ABCC4: variants seen among roughly 807,000 people sequenced by gnomAD.
The protein encoded by ABCC4 is ATP binding cassette subfamily C member 4 (PEL blood group), also known as ATP-binding cassette sub-family C member 4.
Under a neutral mutation model 168.5 loss-of-function variants are expected in ABCC4, and 102 were observed. That is an observed-to-expected ratio of 0.61 (90% CI 0.52 to 0.71). The LOEUF (loss-of-function observed/expected upper bound fraction) is 0.71, where lower values mean the gene tolerates loss of function less well. Ranked by LOEUF, ABCC4 falls within the 30% of genes least tolerant of loss-of-function variation. The pLI is 0.00. For missense variants in ABCC4, 1,402 were observed against 1,605.8 expected (o/e 0.87, Z 2.17); for synonymous variants, 617 against 590.7 (o/e 1.04, Z -0.65).
intron 19 of ABCC4, among the ~76,000 whole-genome samples, chr13:95,138,356 G>A (rs1164094503): frequency 6.6e-6 from 1 of 152,114 alleles, no homozygotes; most frequent in African/African-American, 2.4e-5. Flanking sequence ...CTCCTCTTTG[G>A]GAGGTGCTTG....
At chr13:95,264,783 A>G (rs1468112966) in intron 1 of ABCC4, among the ~76,000 whole-genome samples, 1 of 151,992 alleles carries the variant, frequency 6.6e-6, no homozygotes, top group African/African-American at 2.4e-5. Context: ...TGGGTGTTCT[A>G]TAACTATGAT....
intron 16 of ABCC4, among the ~76,000 whole-genome samples, chr13:95,164,018 G>T (rs2037184537): frequency 7.8e-6 from 1 of 127,906 alleles, no homozygotes; most frequent in South Asian, 2.5e-4. Flanking sequence ...TCCAACCTGG[G>T]CAACAGAGCA....
At chr13:95,048,803 C>T (rs150193096) in intron 27 of ABCC4, among the ~76,000 whole-genome samples, 30 of 152,274 alleles carry the variant, frequency 2.0e-4, no homozygotes, top group African/African-American at 5.8e-4. Context: ...GTATTAAAGT[C>T]GTTTTTTAAT....
chr13:95,194,815 C>G (rs766331636), intron 9 of ABCC4, 21 bp downstream of exon 9: 1 of 1,589,660 alleles, frequency 6.3e-7, no homozygotes, highest in Non-Finnish European at 8.6e-7. Context: ...CAGTCATGAT[C>G]TTGCATTAAG....
chr13:95,288,538 G>A lies in ABCC4; in HGVS notation c.74+12703C>T, dbSNP rs149120942. Among the ~76,000 whole-genome samples, 5 of 152,288 alleles carry A rather than the reference G, an allele frequency of 3.3e-5. No individual in the cohort carries two copies. In the East Asian group the frequency reaches 9.6e-4, roughly 29 times the overall value. On this transcript the variant is annotated intron_variant, in intron 1 of 30. Coordinates refer to ENST00000645237, the MANE Select transcript of ABCC4 (RefSeq NM_005845.5). ...GGGTAAATTTAGGCTGGACGCAGTG[G>A]CTCATGCCTGTAATCCCAGCACTTT...
intron 19 of ABCC4, among the ~76,000 whole-genome samples, chr13:95,125,494 A>C (rs1751064): frequency 2.6e-4 from 39 of 151,910 alleles, no homozygotes; most frequent in African/African-American, 8.9e-4. Flanking sequence ...ATTAAATTAC[A>C]CAAGTTACAG....
chr13:95,210,742 T>G lies in ABCC4; in HGVS notation c.571A>C (p.Thr191Pro), dbSNP rs779130429. The G allele has an allele frequency of 6.2e-7, 1 of 1,614,166 alleles. No individual in the cohort carries two copies. The highest frequency in any genetic ancestry group is 1.7e-5 in the Admixed American group (1 of 60,022). The stretch of plus-strand genomic sequence containing the variant: ...GACAGCAGATTGACTATCTGGCCTG[T>G]GGTTGTCTTCCCCATGGCCATGTTA... ...LSNMAMGKTTTGQIVNLLSND... is the reference protein window; with the variant it reads ...LSNMAMGKTTPGQIVNLLSND... Residue 191 changes from threonine to proline, a missense_variant, in exon 5 of 31, where the codon ACA (threonine) becomes CCA (proline). Thr to Pro is a conservative substitution (Grantham distance 38, BLOSUM62 -1). Coordinates refer to ENST00000645237, the MANE Select transcript of ABCC4 (RefSeq NM_005845.5).
intron 11 of ABCC4, among the ~76,000 whole-genome samples, chr13:95,183,189 A>G (rs1373009991): frequency 6.6e-6 from 1 of 151,630 alleles, no homozygotes; most frequent in East Asian, 1.9e-4. Flanking sequence ...AACAGCTACT[A>G]TTTACCAAAA....
chr13:95,045,711 T>C (rs1259155781), intron 27 of ABCC4, among the ~76,000 whole-genome samples: 1 of 152,162 alleles, frequency 6.6e-6, no homozygotes, highest in African/African-American at 2.4e-5. Context: ...CAGGTGACAT[T>C]TGAGAGCTAT....
intron 4 of ABCC4, among the ~76,000 whole-genome samples, chr13:95,232,070 T>G (rs2039634620): frequency 6.6e-6 from 1 of 151,778 alleles, no homozygotes; most frequent in African/African-American, 2.4e-5. Flanking sequence ...TCCTAAATGG[T>G]AGAAGAGAGT....
intron 19 of ABCC4, among the ~76,000 whole-genome samples, chr13:95,146,357 T>C (rs1389437266): frequency 6.6e-6 from 1 of 152,164 alleles, no homozygotes; most frequent in Non-Finnish European, 1.5e-5. Context: ...CTCCACCACA[T>C]GTAATCTACT....
chr13:95,065,671 A>G (rs540694523), intron 25 of ABCC4, among the ~76,000 whole-genome samples: 1 of 152,328 alleles, frequency 6.6e-6, no homozygotes, highest in South Asian at 2.1e-4. Context: ...GTTTCTTAAA[A>G]TAAATTCTTA....
intron 5 of ABCC4, 31 bp downstream of exon 5, chr13:95,210,661 A>T: frequency 6.3e-7 from 1 of 1,575,724 alleles, no homozygotes; most frequent in Non-Finnish European, 8.7e-7. Context: ...TGTTTAATGC[A>T]ATGAAAAAGG....
chr13:95,043,013 G>C (rs1246110429), intron 29 of ABCC4, among the ~76,000 whole-genome samples: 1 of 152,100 alleles, frequency 6.6e-6, no homozygotes, highest in Non-Finnish European at 1.5e-5. Flanking sequence ...CAAGTAATCT[G>C]CCTGCCTCGG....
At chr13:95,073,596 A>G (rs1447256984) in intron 23 of ABCC4, 1 of 246,292 alleles carries the variant, frequency 4.1e-6, no homozygotes, top group East Asian at 8.7e-5. Context: ...GACATTCATT[A>G]TTATGGTTTC....
At chr13:95,235,426 T>C (rs2039738226) in intron 3 of ABCC4, among the ~76,000 whole-genome samples, 2 of 152,140 alleles carry the variant, frequency 1.3e-5, no homozygotes, top group Admixed American at 1.3e-4. Context: ...AATTAAGTCT[T>C]GGCCTAAGGT....
At chr13:95,066,537 T>C (rs773123064) in intron 25 of ABCC4, among the ~76,000 whole-genome samples, 4 of 152,242 alleles carry the variant, frequency 2.6e-5, no homozygotes, top group South Asian at 4.1e-4. Context: ...GAAACATTTA[T>C]GGGAAATCTA....
intron 1 of ABCC4, among the ~76,000 whole-genome samples, chr13:95,300,910 C>T (rs924673223): frequency 6.6e-6 from 1 of 152,196 alleles, no homozygotes; most frequent in African/African-American, 2.4e-5. Context: ...GAGACTCCCC[C>T]TTTCGGCAGC....
At chr13:95,026,145 C>A (rs1257703420) in intron 30 of ABCC4, among the ~76,000 whole-genome samples, 1 of 152,134 alleles carries the variant, frequency 6.6e-6, no homozygotes, top group African/African-American at 2.4e-5. Flanking sequence ...GAGGCTGAAG[C>A]ATGAGAATTG....
Sources: gnomAD v4.1 joint callset for allele counts (sites outside exome capture counted in the v4.1 genomes callset) on GRCh38, gnomAD v4.1.1 for gene constraint, MANE v1.5 for transcripts, NCBI Gene and HGNC (gene_info 2026-07-23, HGNC 2026-07-21) for gene names.